ERICH3: variants seen among roughly 807,000 people sequenced by gnomAD.
ERICH3 encodes glutamate-rich protein 3.
In ERICH3, 126 loss-of-function variants were observed where a neutral mutation model predicts 131.1. That is an observed-to-expected ratio of 0.96 (90% CI 0.83 to 1.11). ERICH3 has a LOEUF of 1.11. Ranked by LOEUF, ERICH3 falls within the 50% of genes most tolerant of loss-of-function variation. The pLI is 0.00. For synonymous variants in ERICH3, 695 were observed against 644.6 expected, an observed-to-expected ratio of 1.08 and a Z score of -1.18; for missense variants, 2,050 against 1,810.7, an observed-to-expected ratio of 1.13 and a Z score of -2.40.
chr1:74,588,057 G>A (rs1647415788), intron 12 of ERICH3, among the ~76,000 whole-genome samples: 1 of 152,188 alleles, frequency 6.6e-6, no homozygotes, highest in South Asian at 2.1e-4. Context: ...CAAAATAGTA[G>A]TGGTTTGGCC....
In ERICH3 at chr1:74,571,349, C is replaced by A; in HGVS notation, c.4361G>T (p.Gly1454Val). ...GCCACTCCCAGTGGCTGCCTCCTGG[C>A]CCTCTGACCCTTCCTCTTGCTCCTG... ...LGQEQEEGSE[G>V]QEAATGSGDG... The change falls in exon 14 of 15, where the codon GGC becomes GTC. Residue 1454 changes from glycine (G) to valine (V), a missense_variant. Coordinates refer to ENST00000326665, the MANE Select transcript of ERICH3 (RefSeq NM_001002912.5). The A allele has an allele frequency of 6.2e-7, 1 of 1,614,008 alleles. No homozygotes were observed. The highest frequency in any genetic ancestry group is 8.5e-7 in the Non-Finnish European group (1 of 1,180,016).
intron 11 of ERICH3, among the ~76,000 whole-genome samples, chr1:74,596,794 G>A (rs1312145639): frequency 6.6e-6 from 1 of 152,012 alleles, no homozygotes; most frequent in East Asian, 1.9e-4. Context: ...TAAATGATAG[G>A]AAGTCTCACA....
In ERICH3 at chr1:74,631,945, T is replaced by C; in HGVS notation, c.604-17A>G. 6.2e-7 allele frequency: 1 copy of C among 1,600,386 alleles called. No homozygotes were observed. The highest frequency in any genetic ancestry group is 8.5e-7 in the Non-Finnish European group (1 of 1,169,754). ...CTTCTTGCCCTGTAATCATATTTCA[T>C]CGCATAAGAACCAGTGAAACAGAAT... On this transcript the variant is annotated splice_polypyrimidine_tract_variant and intron_variant, in intron 6 of 14. Coordinates refer to ENST00000326665, the MANE Select transcript of ERICH3 (RefSeq NM_001002912.5).
At chr1:74,589,313 AG>A (rs946403494) in intron 12 of ERICH3, 1 of 471,610 alleles carries the variant, frequency 2.1e-6, no homozygotes. Context: ...AATCTCTAAA[AG>A]CCACACACAT....
chr1:74,614,570 G>C (rs1405790785), intron 8 of ERICH3, among the ~76,000 whole-genome samples: 1 of 151,394 alleles, frequency 6.6e-6, no homozygotes, highest in African/African-American at 2.4e-5. Flanking sequence ...CCAGCTACTC[G>C]GGAGGCTGAG....
chr1:74,614,405 T>C (rs937409923), intron 8 of ERICH3, among the ~76,000 whole-genome samples: 1 of 143,174 alleles, frequency 7.0e-6, no homozygotes, highest in Non-Finnish European at 1.5e-5. Flanking sequence ...CCGGGCACGG[T>C]GGCTCACGCC....
At chr1:74,654,377 T>TATATGTATATCCTACAGTAGG (rs1477746258) in intron 1 of ERICH3, among the ~76,000 whole-genome samples, 49 of 151,698 alleles carry the variant, frequency 3.2e-4, no homozygotes, top group South Asian at 6.2e-4. Context: ...TATGTATGTA[T>TATATGTATATCCTACAGTAGG]ATATGTATAT....
At chr1:74,622,475 T>C in intron 7 of ERICH3, 1 of 152,224 alleles carries the variant, frequency 6.6e-6, no homozygotes, top group Non-Finnish European at 1.5e-5. Context: ...TAATCCCATG[T>C]TTCCTCTTGC....
intron 11 of ERICH3, 71 bp downstream of exon 11, chr1:74,599,624 T>C (rs1648024057): frequency 1.6e-6 from 2 of 1,265,130 alleles, no homozygotes; most frequent in Admixed American, 2.4e-5. Flanking sequence ...TCTCATTAAA[T>C]AGAAAACAAA....
intron 12 of ERICH3, chr1:74,578,653 C>T (rs1647118144): frequency 6.7e-6 from 1 of 149,578 alleles, no homozygotes; most frequent in Non-Finnish European, 1.5e-5. Context: ...CCTTTCCCTT[C>T]TTTTTCCCTT....
At chr1:74,600,023 C>G in intron 10 of ERICH3, 92 bp from the exon 11 acceptor site, 1 of 870,438 alleles carries the variant, frequency 1.1e-6, no homozygotes, top group Non-Finnish European at 1.8e-6. Flanking sequence ...CTCCATTATC[C>G]TCTCTTCTCT....
chr1:74,625,975 A>C (rs1649401655), intron 7 of ERICH3: 1 of 152,168 alleles, frequency 6.6e-6, no homozygotes, highest in African/African-American at 2.4e-5. Context: ...TATTCATTGA[A>C]TATCAAAGAC....
chr1:74,608,798 A>T (rs1648520855), intron 9 of ERICH3, among the ~76,000 whole-genome samples: 1 of 152,108 alleles, frequency 6.6e-6, no homozygotes, highest in African/African-American at 2.4e-5. Flanking sequence ...TAAAGGTGTC[A>T]TGAATCTTCA....
intron 8 of ERICH3, among the ~76,000 whole-genome samples, chr1:74,620,338 A>C (rs1649159457): frequency 6.6e-6 from 1 of 152,208 alleles, no homozygotes. Context: ...ATTTTATCTC[A>C]ACATACCTCT....
chr1:74,604,865 T>C (rs1462310466), intron 10 of ERICH3, among the ~76,000 whole-genome samples: 1 of 151,926 alleles, frequency 6.6e-6, no homozygotes, highest in Non-Finnish European at 1.5e-5. Flanking sequence ...TAAATGAGCA[T>C]TGGCTTCATC....
Position 74,573,087 on chromosome 1 carries a change from C to A in ERICH3, c.2623G>T (p.Ala875Ser). Residue 875 changes from alanine to serine, a missense_variant, in exon 14 of 15, where the codon GCT becomes TCT. By Grantham distance (99) the Ala-to-Ser change is moderately conservative. Coordinates refer to ENST00000326665, the MANE Select transcript of ERICH3 (RefSeq NM_001002912.5). The part of the protein sequence containing the change: ...KDAVGLSKDE[A>S]PEKQALMLTV... ...AGCATCAAGGCTTGCTTTTCAGGAGCCTCATCTTTACTCAGACCCACAGCA... is the reference window on the plus strand; with the variant it reads ...AGCATCAAGGCTTGCTTTTCAGGAGACTCATCTTTACTCAGACCCACAGCA... 6.2e-7 allele frequency: 1 copy of A among 1,614,092 alleles called. No individual in the cohort carries two copies. Among genetic ancestry groups the A allele is most frequent in the East Asian group, 2.2e-5 (1 of 44,880 alleles).
chr1:74,614,601 C>G (rs1252967837), intron 8 of ERICH3, among the ~76,000 whole-genome samples: 2 of 149,116 alleles, frequency 1.3e-5, no homozygotes, highest in Non-Finnish European at 3.0e-5. Context: ...GGCGTGAACC[C>G]GGGAGGCGGA....
intron 7 of ERICH3, chr1:74,623,189 C>T (rs1226830388): frequency 6.6e-6 from 1 of 152,248 alleles, no homozygotes; most frequent in East Asian, 1.9e-4. Context: ...CCTCATGCCC[C>T]TGCATAACTA....
intron 12 of ERICH3, chr1:74,579,788 C>A (rs1392834004): frequency 2.0e-6 from 2 of 985,198 alleles, no homozygotes; most frequent in African/African-American, 3.5e-5. Flanking sequence ...GCCCTTCATC[C>A]CCTAAGGCTC....
Sources: allele counts gnomAD v4.1 joint callset (sites outside exome capture counted in the v4.1 genomes callset), GRCh38; gene constraint gnomAD v4.1.1; transcripts MANE v1.5; gene names NCBI Gene and HGNC (gene_info 2026-07-23, HGNC 2026-07-21).